Variants in GATA5 observed in about 807,000 individuals in gnomAD.
GATA5 encodes transcription factor GATA-5.
GATA5 carries 27 observed loss-of-function variants against 35.0 expected under a neutral mutation model. The observed-to-expected ratio is 0.77, with a 90% confidence interval of 0.57 to 1.06. The LOEUF (loss-of-function observed/expected upper bound fraction) is 1.06, where lower values mean the gene tolerates loss of function less well. Among genes scored for constraint, GATA5 ranks in the 50% least tolerant of loss-of-function variants. The pLI is 0.00. For synonymous variants in GATA5, 306 were observed against 267.8 expected (o/e 1.14, Z -1.39); for missense variants, 612 against 580.0 (o/e 1.06, Z -0.57).
intron 3 of GATA5, among the ~76,000 whole-genome samples, chr20:62,467,336 G>A (rs544333507): frequency 6.6e-6 from 1 of 152,324 alleles, no homozygotes; most frequent in Non-Finnish European, 1.5e-5. Flanking sequence ...ACCAGCTCAA[G>A]CCAGCCTTTC....
Position 62,464,973 on chromosome 20 carries a change from C to T in GATA5, c.1057G>A (p.Asp353Asn), listed in dbSNP as rs2146479508. The change falls in exon 7 of 7, where the codon GAC becomes AAC. Residue 353 changes from aspartate to asparagine, a missense_variant. Transcript: ENST00000252997. ...TCCAAGTGGCCGGGGGCAAGAGAGT[C>T]ATCCTCCTGGCCAGAGGCCTGCAGG... ...MAPQASGQED[D>N]SLAPGHLEFK... 1.3e-6 allele frequency: 2 copies of T among 1,538,654 alleles called. No homozygotes were observed. The highest frequency in any genetic ancestry group is 1.8e-6 in the Non-Finnish European group (2 of 1,133,162).
At position 62,475,279 on chromosome 20, in the gene GATA5, G is replaced by T. The variant is rs1034727380; in HGVS notation, c.243C>A (p.His81Gln). Residue 81 changes from histidine (H) to glutamine (Q), a missense_variant, in exon 2 of 7, where the codon CAC becomes CAA. Transcript: ENST00000252997. ...CCCCGGGCGGGTGCGCGGCTGGGGG[G>T]TGCGGACTGCCCGGGCCGAAGGCCG... ...DSSAFGPGSP[H>Q]PPAAHPPGAT... The T allele has an allele frequency of 2.4e-6, 3 of 1,245,972 alleles. No homozygotes were observed. Among genetic ancestry groups the T allele is most frequent in the African/African-American group, 1.6e-5 (1 of 64,504 alleles). The allele number at this position is 1,245,972 out of a possible 1,614,324, so 77.2% of individuals were successfully genotyped here.
In GATA5 at chr20:62,475,309, A is replaced by G; in HGVS notation, c.213T>C (p.Asp71=). 8.0e-7 allele frequency: 1 copy of G among 1,248,942 alleles called. No individual in the cohort carries two copies. Among genetic ancestry groups the G allele is most frequent in the Non-Finnish European group, 1.0e-6 (1 of 996,576 alleles). 77.4% of individuals were successfully genotyped at this position (1,248,942 alleles called of 1,614,324 possible). ...GACTGCCCGGGCCGAAGGCCGACGA[A>G]TCCGCGGTGGCTGTCTGCGCCCAGC... ...RPGWAQTATA[D]SSAFGPGSPH... is the part of the protein sequence containing the mutation. The change falls in exon 2 of 7, where the codon GAT becomes GAC. Residue 71 remains aspartate (D), a synonymous_variant. Coordinates refer to ENST00000252997, the MANE Select transcript of GATA5 (RefSeq NM_080473.5).
intron 2 of GATA5, 72 bp downstream of exon 2, chr20:62,474,927 T>C: frequency 8.2e-7 from 1 of 1,212,892 alleles, no homozygotes. Flanking sequence ...AGGGGAGCGT[T>C]TCGCAGGGTG....
At chr20:62,466,609 G>A in intron 3 of GATA5, 58 bp from the exon 4 acceptor site, 1 of 1,518,852 alleles carries the variant, frequency 6.6e-7, no homozygotes, top group Non-Finnish European at 8.8e-7. Context: ...CTGGAGCAGG[G>A]GGACGGAAGC....
At chr20:62,469,948 AC>A (rs1336377025) in intron 3 of GATA5, among the ~76,000 whole-genome samples, 1 of 152,114 alleles carries the variant, frequency 6.6e-6, no homozygotes, top group East Asian at 1.9e-4. Flanking sequence ...GTGCCACCAT[AC>A]CGCGACGATG....
At chr20:62,468,054 ACAGC>A (rs1285712922) in intron 3 of GATA5, among the ~76,000 whole-genome samples, 1 of 133,392 alleles carries the variant, frequency 7.5e-6, no homozygotes, top group Non-Finnish European at 1.5e-5. Context: ...ATGAGCAGAC[ACAGC>A]CAGCCTCGGC....
intron 3 of GATA5, 32 bp downstream of exon 3, chr20:62,473,371 C>T: frequency 6.3e-7 from 1 of 1,581,944 alleles, no homozygotes; most frequent in East Asian, 2.3e-5. Flanking sequence ...GAGCACTGCG[C>T]CCAGGCGCCC....
intron 4 of GATA5, 39 bp downstream of exon 4, chr20:62,466,387 A>T: frequency 1.3e-6 from 2 of 1,547,038 alleles, no homozygotes; most frequent in Non-Finnish European, 1.7e-6. Context: ...AGGAGGCTGG[A>T]CAGAGGCCTC....
Position 62,475,353 on chromosome 20 carries a change from CG to C in GATA5, c.168del (p.Glu57SerfsTer90). The C allele has an allele frequency of 1.6e-6, 2 of 1,258,618 alleles. No individual in the cohort carries two copies. Among genetic ancestry groups the C allele is most frequent in the South Asian group, 3.2e-5 (1 of 31,678 alleles). 78.0% of individuals were successfully genotyped at this position (1,258,618 alleles called of 1,614,324 possible). A position where few individuals can be genotyped will look rare whatever the true frequency, so the allele number is the denominator to read the frequency against. On this transcript the variant is annotated frameshift_variant, in exon 2 of 7. Coordinates refer to ENST00000252997, the MANE Select transcript of GATA5 (RefSeq NM_080473.5). LOFTEE classifies it high-confidence loss of function. ...GCCCAGCCGGGGCGCGCAGCGAGCT[CG>C]GGGGGCTGCGGGCTCGGCTCACACC... The part of the protein sequence containing the change: ...LSGCEPSPQP[P>X]ELAARPGWAQ...
In GATA5 at chr20:62,475,617, C is replaced by G. The variant is rs1185813726; in HGVS notation, c.-21-75G>C. ...CGCCAGCGCCCGAGCTTATGCCGGG[C>G]AGGTGCCGCCGCTTCGGGCAGCGCT... On this transcript the variant is annotated intron_variant, in intron 1 of 6. Coordinates refer to ENST00000252997, the MANE Select transcript of GATA5 (RefSeq NM_080473.5). 1.0e-5 allele frequency: 10 copies of G among 1,000,930 alleles called. No individual in the cohort carries two copies. The East Asian group carries it at 2.9e-4, about 29-fold the overall frequency. 62.0% of individuals were successfully genotyped at this position (1,000,930 alleles called of 1,614,324 possible). A position where few individuals can be genotyped will look rare whatever the true frequency, so the allele number is the denominator to read the frequency against.
intron 5 of GATA5, 92 bp from the exon 6 acceptor site, chr20:62,465,556 A>C: frequency 6.6e-7 from 1 of 1,504,340 alleles, no homozygotes; most frequent in Non-Finnish European, 8.9e-7. Flanking sequence ...GCCCCGGCCC[A>C]GAGAGGTTTG....
At chr20:62,466,401 G>A (rs782735801) in intron 4 of GATA5, 25 bp downstream of exon 4, 19 of 1,560,942 alleles carry the variant, frequency 1.2e-5, no homozygotes, top group Non-Finnish European at 1.5e-5. Flanking sequence ...AGGCCTCCCC[G>A]CCCTGCCCCG....
chr20:62,475,492 G>T lies in GATA5; in HGVS notation c.30C>A (p.Ser10Arg), dbSNP rs782819196. 6.1e-6 allele frequency: 8 copies of T among 1,321,558 alleles called. No homozygotes were observed. The highest frequency in any genetic ancestry group is 3.4e-5 in the Admixed American group (1 of 29,706). The allele number at this position is 1,321,558 out of a possible 1,614,324, so 81.9% of individuals were successfully genotyped here. A position where few individuals can be genotyped will look rare whatever the true frequency, so the allele number is the denominator to read the frequency against. ...AGTCGGCGTAGGCGGCCTGGCGGGGGCTCGCGGCCAGCGCCAGGCTCTGGT... is the reference window on the plus strand; with the variant it reads ...AGTCGGCGTAGGCGGCCTGGCGGGGTCTCGCGGCCAGCGCCAGGCTCTGGT... The part of the protein sequence containing the change: MYQSLALAA[S>R]PRQAAYADSG... The change falls in exon 2 of 7, where the codon AGC (serine) becomes AGA (arginine). Residue 10 changes from serine to arginine, a missense_variant. Transcript: ENST00000252997.
Position 62,464,833 on chromosome 20 carries a change from G to T in GATA5, c.*3C>A. The T allele has an allele frequency of 6.3e-7, 1 of 1,588,464 alleles. No homozygotes were observed. On this transcript the variant is annotated 3_prime_UTR_variant, in exon 7 of 7. Transcript: ENST00000252997. Reference sequence around the variant, plus strand: ...TTCCCCTGACATGGGCTGGCCTGGGGACCTAGGCCAAGGCCAGCGCACACC... The same window carrying T: ...TTCCCCTGACATGGGCTGGCCTGGGTACCTAGGCCAAGGCCAGCGCACACC...
chr20:62,471,095 G>T lies in GATA5; in HGVS notation c.699+2308C>A, dbSNP rs1026624547. On this transcript the variant is annotated intron_variant, in intron 3 of 6. Transcript: ENST00000252997. ...CAAAGGCTCAAAGAGCTGGGGAACT[G>T]TCTACGAGATGCCCCAGCCCAGGAG... Among the ~76,000 whole-genome samples, 8 of 152,182 alleles carry T rather than the reference G, an allele frequency of 5.3e-5. No individual in the cohort carries two copies. In the East Asian group the frequency reaches 1.5e-3, roughly 29 times the overall value.
At position 62,470,065 on chromosome 20, in the gene GATA5, T is replaced by G. The variant is rs1326643717; in HGVS notation, c.699+3338A>C. 6.6e-6 allele frequency among the ~76,000 whole-genome samples: 1 copy of G among 152,262 alleles called. No individual in the cohort carries two copies. Among genetic ancestry groups the G allele is most frequent in the African/African-American group, 2.4e-5 (1 of 41,478 alleles). On this transcript the variant is annotated intron_variant, in intron 3 of 6. Transcript: ENST00000252997. The surrounding 1 kb of genome is among the most constrained non-coding windows in gnomAD (Gnocchi z 4.6). ...CCGGCTGCATTTCGTTTTTCTTTTTTGTCGGTTCTTTTCAAAAGAAGTCAA... is the reference window on the plus strand; with the variant it reads ...CCGGCTGCATTTCGTTTTTCTTTTTGGTCGGTTCTTTTCAAAAGAAGTCAA...
Position 62,475,415 on chromosome 20 carries a change from G to C in GATA5, c.107C>G (p.Pro36Arg). The change falls in exon 2 of 7, where the codon CCG (proline) becomes CGG (arginine). Residue 36 changes from proline to arginine, a missense_variant. Pro to Arg is a moderately radical substitution (Grantham distance 103, BLOSUM62 -2). Coordinates refer to ENST00000252997, the MANE Select transcript of GATA5 (RefSeq NM_080473.5). ...GGACAGCATCGAGGGGACGCGCGCC[G>C]GCGGCACAAACATCGGAGAGCCGGC... ...PGAGSPMFVP[P>R]ARVPSMLSYL... 7.4e-7 allele frequency: 1 copy of C among 1,358,312 alleles called. No homozygotes were observed. Among genetic ancestry groups the C allele is most frequent in the Non-Finnish European group, 9.5e-7 (1 of 1,055,040 alleles). 84.1% of individuals were successfully genotyped at this position (1,358,312 alleles called of 1,614,324 possible). A position where few individuals can be genotyped will look rare whatever the true frequency, so the allele number is the denominator to read the frequency against.
rs574764628 is a variant in GATA5, at chr20:62,471,432, A to ATTTTTTTTTTTTTTTTTTTTTTTT, written c.699+1970_699+1971insAAAAAAAAAAAAAAAAAAAAAAAA. 3.3e-3 allele frequency among the ~76,000 whole-genome samples: 269 copies of ATTTTTTTTTTTTTTTTTTTTTTTT among 81,726 alleles called. 38 individuals carry two copies. Among genetic ancestry groups the ATTTTTTTTTTTTTTTTTTTTTTTT allele is most frequent in the African/African-American group, 5.6e-3 (115 of 20,438 alleles). The allele number at this position is 81,726 out of a possible 152,430, so 53.6% of individuals were successfully genotyped here. ...TAAAGAGAAGTTAATTTCAATTACA[A>ATTTTTTTTTTTTTTTTTTTTTTTT]TTTTTTTTTTTTTTTTTGTGATGAG... On this transcript the variant is annotated intron_variant, in intron 3 of 6. Transcript: ENST00000252997.
Sources: gnomAD v4.1 joint callset for allele counts (sites outside exome capture counted in the v4.1 genomes callset) on GRCh38, gnomAD v4.1.1 for gene constraint, Gnocchi (gnomAD v3.1) non-coding constraint, MANE v1.5 for transcripts, NCBI Gene and HGNC (gene_info 2026-07-23, HGNC 2026-07-21) for gene names.